The following PCDH15 variants were observed in gnomAD, a reference collection of about 807,000 sequenced individuals.
PCDH15 encodes the protein protocadherin related 15.
In PCDH15, 129 loss-of-function variants were observed where a neutral mutation model predicts 178.5. The observed-to-expected ratio is 0.72, with a 90% CI of 0.63 to 0.84. The LOEUF (loss-of-function observed/expected upper bound fraction) is 0.84. Ranked by LOEUF, PCDH15 falls within the 40% of genes least tolerant of loss-of-function variation. PCDH15 has a pLI of 0.00. For synonymous variants in PCDH15, 800 were observed against 732.0 expected (o/e 1.09, Z -1.50); for missense variants, 2,230 against 2,099.9 (o/e 1.06, Z -1.21).
chr10:54,744,698 A>G (rs185539512), intron 1 of PCDH15, among the ~76,000 whole-genome samples: 245 of 152,326 alleles, frequency 1.6e-3, no homozygotes, highest in African/African-American at 5.4e-3. Context: ...AAATTTATAT[A>G]ACAGAATTTG....
chr10:55,242,257 C>T (rs1200189527), intron 1 of PCDH15, among the ~76,000 whole-genome samples: 1 of 152,104 alleles, frequency 6.6e-6, no homozygotes, highest in Admixed American at 6.6e-5. Context: ...AAATGATTAT[C>T]TTTCTCTCTG....
intron 2 of PCDH15, among the ~76,000 whole-genome samples, chr10:54,963,800 T>C (rs923762804): frequency 1.3e-5 from 2 of 152,202 alleles, no homozygotes; most frequent in Non-Finnish European, 2.9e-5. Context: ...CAAAATCAAA[T>C]GCCCCAATAC....
intron 14 of PCDH15, among the ~76,000 whole-genome samples, chr10:54,143,719 C>T (rs10740576): frequency 0.64 from 96,973 of 152,004 alleles, 32,415 homozygotes; most frequent in East Asian, 0.9. Flanking sequence ...TTTAGATCTA[C>T]TTATAAGCTT....
At chr10:55,090,819 T>C (rs1842298891) in intron 2 of PCDH15, among the ~76,000 whole-genome samples, 1 of 152,102 alleles carries the variant, frequency 6.6e-6, no homozygotes, top group Non-Finnish European at 1.5e-5. Flanking sequence ...CACTGCATTT[T>C]ATATCCTTTT....
rs188504999 is a variant in PCDH15 at position 54,226,420 on chromosome 10, C to T, written c.985+10403G>A. 1.9e-3 allele frequency among the ~76,000 whole-genome samples: 289 copies of T among 152,272 alleles called. 1 individual carries two copies. The highest frequency in any genetic ancestry group is 6.7e-3 in the African/African-American group (278 of 41,542). On this transcript the variant is annotated intron_variant, in intron 9 of 37. Transcript: ENST00000644397. ...TGGGAATTTAAGATGAGATCTATGG[C>T]CAGGCATGGTGGCTCATGCCTATAA...
intron 2 of PCDH15, among the ~76,000 whole-genome samples, chr10:55,442,451 T>G (rs1265337575): frequency 1.7e-4 from 16 of 95,152 alleles, no homozygotes; most frequent in Non-Finnish European, 3.3e-4. Context: ...TTTTCTTAAT[T>G]TGATTATATA....
At chr10:54,761,631 C>T (rs577523355) in intron 1 of PCDH15, among the ~76,000 whole-genome samples, 1 of 150,962 alleles carries the variant, frequency 6.6e-6, no homozygotes, top group South Asian at 2.1e-4. Context: ...TGCAGTGAGC[C>T]GAGATCATGC....
intron 8 of PCDH15, among the ~76,000 whole-genome samples, chr10:54,271,602 G>A (rs2058053268): frequency 6.6e-6 from 1 of 152,056 alleles, no homozygotes; most frequent in Admixed American, 6.6e-5. Flanking sequence ...ACAAGATTTT[G>A]TTTTCATTCA....
chr10:53,952,603 G>A (rs941258356), intron 23 of PCDH15, among the ~76,000 whole-genome samples: 1 of 152,194 alleles, frequency 6.6e-6, no homozygotes, highest in African/African-American at 2.4e-5. Flanking sequence ...CTGGCAGGCT[G>A]GGCACCAGCC....
chr10:55,198,547 C>T (rs896065245), intron 1 of PCDH15, among the ~76,000 whole-genome samples: 4 of 152,170 alleles, frequency 2.6e-5, no homozygotes, highest in Admixed American at 6.5e-5. Context: ...AGAGCAGTGG[C>T]GCGATAACAG....
At chr10:55,623,261 T>C (rs1168944075) in intron 2 of PCDH15, among the ~76,000 whole-genome samples, 2 of 152,206 alleles carry the variant, frequency 1.3e-5, no homozygotes, top group African/African-American at 4.8e-5. Context: ...AACTAGGTCG[T>C]AGGACTGGAC....
intron 26 of PCDH15, among the ~76,000 whole-genome samples, chr10:53,881,525 C>T (rs1018462226): frequency 1.3e-5 from 2 of 151,936 alleles, no homozygotes; most frequent in African/African-American, 4.8e-5. Flanking sequence ...TGACCAAAAA[C>T]GTTTATGCCA....
intron 6 of PCDH15, among the ~76,000 whole-genome samples, chr10:54,338,787 G>A (rs1941685872): frequency 6.6e-6 from 1 of 151,660 alleles, no homozygotes; most frequent in Non-Finnish European, 1.5e-5. Flanking sequence ...TGCTACAAGG[G>A]ACATGTCATC....
intron 3 of PCDH15, among the ~76,000 whole-genome samples, chr10:54,493,187 A>C (rs574077988): frequency 2.6e-5 from 4 of 152,216 alleles, no homozygotes; most frequent in African/African-American, 9.6e-5. Flanking sequence ...CAGTTATATA[A>C]GTATAGGAAA....
chr10:55,447,882 C>T (rs1254079376), intron 2 of PCDH15, among the ~76,000 whole-genome samples: 1 of 151,756 alleles, frequency 6.6e-6, no homozygotes, highest in Non-Finnish European at 1.5e-5. Context: ...AGTCTAAATC[C>T]TTGTTTTTCA....
At chr10:54,569,288 C>T (rs2089470571) in intron 2 of PCDH15, among the ~76,000 whole-genome samples, 1 of 152,000 alleles carries the variant, frequency 6.6e-6, no homozygotes, top group Non-Finnish European at 1.5e-5. Context: ...TATTCTTGCA[C>T]AATAGGCCAT....
At chr10:53,820,394 C>T (rs1346267471) in intron 32 of PCDH15, among the ~76,000 whole-genome samples, 164 bp from the exon 33 acceptor site, 1 of 150,762 alleles carries the variant, frequency 6.6e-6, no homozygotes, top group Admixed American at 6.6e-5. Flanking sequence ...AATGCCAGGT[C>T]AAATTATTGA....
chr10:54,581,852 G>C (rs1273194449), intron 2 of PCDH15, among the ~76,000 whole-genome samples: 1 of 151,990 alleles, frequency 6.6e-6, no homozygotes, highest in Non-Finnish European at 1.5e-5. Flanking sequence ...TCAAAAACTG[G>C]CTAGCCATAT....
chr10:54,856,289 A>C (rs569008149), intron 3 of PCDH15, among the ~76,000 whole-genome samples: 50 of 152,180 alleles, frequency 3.3e-4, no homozygotes, highest in Non-Finnish European at 6.3e-4. Context: ...GGTATGGGGC[A>C]GGAGGAACTG....
Sources: allele counts gnomAD v4.1 joint callset (sites outside exome capture counted in the v4.1 genomes callset), GRCh38; gene constraint gnomAD v4.1.1; transcripts MANE v1.5; gene names NCBI Gene and HGNC (gene_info 2026-07-23, HGNC 2026-07-21).